ATP13A4: variants seen among roughly 807,000 people sequenced by gnomAD.
ATP13A4 encodes the protein probable cation-transporting ATPase 13A4.
In ATP13A4, 114 loss-of-function variants were observed where a neutral mutation model predicts 142.5. The observed-to-expected ratio is 0.80, with a 90% CI of 0.69 to 0.93. The LOEUF (loss-of-function observed/expected upper bound fraction) is 0.93, where lower values mean the gene tolerates loss of function less well. Ranked by LOEUF, ATP13A4 falls within the 40% of genes least tolerant of loss-of-function variation. The pLI, the probability that ATP13A4 is intolerant of heterozygous loss-of-function variation, is 0.00. For synonymous variants in ATP13A4, 488 were observed against 514.8 expected (o/e 0.95, Z 0.70); for missense variants, 1,392 against 1,454.0 (o/e 0.96, Z 0.69).
chr3:193,532,332 T>C (rs1340089594), intron 1 of ATP13A4, among the ~76,000 whole-genome samples: 3 of 150,642 alleles, frequency 2.0e-5, no homozygotes, highest in African/African-American at 2.5e-5. Context: ...GCTATTCCTA[T>C]ACTTTGAGCT....
intron 2 of ATP13A4, among the ~76,000 whole-genome samples, chr3:193,565,920 C>T (rs1484039434): frequency 2.0e-5 from 3 of 152,158 alleles, no homozygotes; most frequent in Non-Finnish European, 4.4e-5. Flanking sequence ...ATATTATTGT[C>T]CTACTCTTGT....
intron 5 of ATP13A4, 29 bp from the exon 6 acceptor site, chr3:193,491,427 T>C: frequency 1.4e-6 from 2 of 1,469,134 alleles, no homozygotes; most frequent in Middle Eastern, 1.7e-4. Flanking sequence ...GATCACTCTG[T>C]CACAAATAAT....
chr3:193,437,559 G>C (rs1323842204), intron 23 of ATP13A4, among the ~76,000 whole-genome samples: 3 of 151,828 alleles, frequency 2.0e-5, no homozygotes, highest in African/African-American at 7.3e-5. Context: ...TATGAGCTTG[G>C]GCACATCAAT....
chr3:193,507,567 A>G (rs1415358104), intron 2 of ATP13A4, among the ~76,000 whole-genome samples: 2 of 152,220 alleles, frequency 1.3e-5, no homozygotes, highest in African/African-American at 4.8e-5. Flanking sequence ...GAGGTTATTA[A>G]CAAAGCAAAG....
intron 25 of ATP13A4, among the ~76,000 whole-genome samples, chr3:193,424,193 C>G (rs1026316195): frequency 5.4e-5 from 8 of 149,048 alleles, no homozygotes; most frequent in Non-Finnish European, 1.0e-4. Flanking sequence ...AACACACATA[C>G]ATGAAAAGAC....
chr3:193,521,062 C>T (rs1260837138), intron 1 of ATP13A4, among the ~76,000 whole-genome samples: 4 of 152,190 alleles, frequency 2.6e-5, no homozygotes, highest in Non-Finnish European at 5.9e-5. Context: ...CGTAAAAATG[C>T]TTCTGTGCTG....
chr3:193,445,698 A>G (rs1176600792), intron 18 of ATP13A4, among the ~76,000 whole-genome samples: 1 of 152,138 alleles, frequency 6.6e-6, no homozygotes, highest in East Asian at 1.9e-4. Flanking sequence ...CGGAGGTTGC[A>G]CTGAGCCGAG....
intron 12 of ATP13A4, among the ~76,000 whole-genome samples, chr3:193,464,343 C>T (rs115761957): frequency 0.01 from 1,593 of 152,270 alleles, 23 homozygotes; most frequent in African/African-American, 0.033. Context: ...CAACTCCCAC[C>T]TTCACCCCAG....
intron 26 of ATP13A4, among the ~76,000 whole-genome samples, chr3:193,413,624 G>A (rs542704466): frequency 3.4e-4 from 51 of 152,204 alleles, no homozygotes; most frequent in African/African-American, 1.1e-3. Context: ...ATAAATGGCC[G>A]CTCTGGGAGT....
chr3:193,499,767 C>T (rs760248044), intron 3 of ATP13A4, among the ~76,000 whole-genome samples: 1 of 152,114 alleles, frequency 6.6e-6, no homozygotes, highest in Non-Finnish European at 1.5e-5. Flanking sequence ...CAATGTGAGG[C>T]CCCTGATCAG....
chr3:193,541,698 A>C (rs1277359143), intron 1 of ATP13A4, among the ~76,000 whole-genome samples: 1 of 152,182 alleles, frequency 6.6e-6, no homozygotes, highest in Non-Finnish European at 1.5e-5. Context: ...CACTATTTGC[A>C]GCTGATGTGC....
chr3:193,401,694 T>G lies in ATP13A4; in HGVS notation c.*958A>C, dbSNP rs1714266143. On this transcript the variant is annotated 3_prime_UTR_variant, in exon 30 of 30. Transcript: ENST00000342695. ...CAAAATGAAAATATGGGGACCCCTG[T>G]TCAAAAATTAAGAATTTTAAGATGG... 6.6e-6 allele frequency among the ~76,000 whole-genome samples: 1 copy of G among 152,208 alleles called. No homozygotes were observed. Among genetic ancestry groups the G allele is most frequent in the South Asian group, 2.1e-4 (1 of 4,838 alleles).
At chr3:193,567,354 T>C (rs971494139) in intron 2 of ATP13A4, among the ~76,000 whole-genome samples, 87 of 152,146 alleles carry the variant, frequency 5.7e-4, no homozygotes, top group Admixed American at 2.0e-4. Context: ...GTCATTCAGT[T>C]TTCCACAATA....
chr3:193,587,536 G>T (rs937549907), intron 1 of ATP13A4, among the ~76,000 whole-genome samples: 8 of 152,088 alleles, frequency 5.3e-5, no homozygotes, highest in African/African-American at 1.9e-4. Flanking sequence ...TCCAAGTAAG[G>T]TAACATTCAC....
In ATP13A4 at chr3:193,578,296, A is replaced by AATATCTATATCTATATCTATATCT. The variant is rs60425298; in HGVS notation, n.291+3387_291+3410dup. ...CAACAGAGTGAGACTCCATCTCAGAAATATCTATATCTATATCTATATCTA... is the reference window on the plus strand; with the variant it reads ...CAACAGAGTGAGACTCCATCTCAGAAATATCTATATCTATATCTATATCTATATCTATATCTATATCTATATCTA... On this transcript the variant is annotated intron_variant and non_coding_transcript_variant, in intron 2 of 3. Coordinates refer to the ATP13A4 transcript ENST00000489140. 4.1e-3 allele frequency among the ~76,000 whole-genome samples: 595 copies of AATATCTATATCTATATCTATATCT among 146,388 alleles called. 4 individuals carry two copies. The highest frequency in any genetic ancestry group is 0.011 in the Middle Eastern group (3 of 284).
chr3:193,481,726 A>T (rs1719307502), intron 8 of ATP13A4, among the ~76,000 whole-genome samples: 1 of 152,186 alleles, frequency 6.6e-6, no homozygotes, highest in Admixed American at 6.5e-5. Context: ...GAATACTCTA[A>T]GGAAGCAACC....
At chr3:193,476,051 T>C (rs1375227167) in intron 8 of ATP13A4, among the ~76,000 whole-genome samples, 2 of 152,016 alleles carry the variant, frequency 1.3e-5, no homozygotes, top group Admixed American at 6.6e-5. Context: ...TAAACTTGAA[T>C]TGGAAATTAT....
rs1410911520 is a variant in ATP13A4 at position 193,401,298 on chromosome 3, G to C, written c.*1354C>G. On this transcript the variant is annotated 3_prime_UTR_variant, in exon 30 of 30. Coordinates refer to ENST00000342695, the MANE Select transcript of ATP13A4 (RefSeq NM_032279.4). Reference sequence around the variant, plus strand: ...GTCTCCTGAGGTAACAGAAACCTGAGTCTTCCTTGTGCTGAACAAATCAAA... The same window carrying C: ...GTCTCCTGAGGTAACAGAAACCTGACTCTTCCTTGTGCTGAACAAATCAAA... 6.6e-6 allele frequency among the ~76,000 whole-genome samples: 1 copy of C among 152,156 alleles called. No homozygotes were observed. Among genetic ancestry groups the C allele is most frequent in the Non-Finnish European group, 1.5e-5 (1 of 68,044 alleles).
intron 2 of ATP13A4, among the ~76,000 whole-genome samples, chr3:193,570,465 C>T (rs763383731): frequency 2.0e-5 from 3 of 152,148 alleles, no homozygotes; most frequent in Non-Finnish European, 4.4e-5. Context: ...GTATGACATG[C>T]TAATTATAAA....
Sources: allele counts gnomAD v4.1 joint callset (sites outside exome capture counted in the v4.1 genomes callset), GRCh38; gene constraint gnomAD v4.1.1; transcripts MANE v1.5; gene names NCBI Gene and HGNC (gene_info 2026-07-23, HGNC 2026-07-21).